The following EIF3C variants were observed in gnomAD, a reference collection of about 807,000 sequenced individuals.
EIF3C encodes eukaryotic translation initiation factor 3 subunit C, also known as cell migration-inducing protein 17.
In EIF3C, 2 loss-of-function variants were observed where a neutral mutation model predicts 11.1. That is an observed-to-expected ratio of 0.18 (90% CI 0.07 to 0.57). The LOEUF is 0.57. Ranked by LOEUF, EIF3C falls within the 20% of genes least tolerant of loss-of-function variation. The pLI is 0.92. For missense variants in EIF3C, 16 were observed against 114.6 expected (o/e 0.14, Z 3.93); for synonymous variants, 2 against 41.5 (o/e 0.05, Z 3.66).
At chr16:28,723,684 T>C in intron 10 of EIF3C, 133 bp downstream of exon 10, 1 of 630,180 alleles carries the variant, frequency 1.6e-6, no homozygotes, top group Non-Finnish European at 2.8e-6. Flanking sequence ...CCGTCCATTA[T>C]CTGCTGTTTA....
chr16:28,722,993 T>C, intron 8 of EIF3C, 171 bp from the exon 9 acceptor site: 1 of 690,652 alleles, frequency 1.4e-6, no homozygotes. Context: ...GTTAGTACTC[T>C]GTCTTGTTAG....
rs1223548992 is a variant in EIF3C, at chr16:28,689,257, C to G, written c.-31+429C>G. ...CTTTGATTCACACTTAGTCACAATC[C>G]CCTGTAAATAGTTCATTTTTCTGTT... On this transcript the variant is annotated intron_variant, in intron 1 of 20. Coordinates refer to the EIF3C transcript ENST00000566501. Among the ~76,000 whole-genome samples the G allele has an allele frequency of 3.9e-5, 2 of 50,746 alleles. 1 individual carries two copies. Among genetic ancestry groups the G allele is most frequent in the Non-Finnish European group, 6.9e-5 (2 of 28,810 alleles). 33.3% of individuals were successfully genotyped at this position (50,746 alleles called of 152,430 possible).
chr16:28,726,892 TC>T, intron 14 of EIF3C, 97 bp downstream of exon 14: 2 of 4,408 alleles, frequency 4.5e-4, no homozygotes, highest in East Asian at 4.3e-3. Flanking sequence ...TCTCTAGACT[TC>T]CGCAGGTGGA....
rs1447399472 is a variant in EIF3C at position 28,700,615 on chromosome 16, G to A, written c.-30-11042G>A. On this transcript the variant is annotated intron_variant, in intron 1 of 20. Transcript: ENST00000566501. ...CTGCTTTCTAGACGCGCAGCTTGGC[G>A]CAGCCCCGCACAGGCTCCGTGGAGG... 7 of 257,838 alleles carry A rather than the reference G, an allele frequency of 2.7e-5. 3 individuals are homozygous for A. Among genetic ancestry groups the A allele is most frequent in the Admixed American group, 1.5e-4 (3 of 20,556 alleles). The allele number at this position is 257,838 out of a possible 1,614,324, so 16.0% of individuals were successfully genotyped here. A position where few individuals can be genotyped will look rare whatever the true frequency, so the allele number is the denominator to read the frequency against.
intron 1 of EIF3C, among the ~76,000 whole-genome samples, chr16:28,697,846 C>T (rs1307963696): frequency 3.3e-5 from 3 of 91,248 alleles, no homozygotes; most frequent in East Asian, 4.0e-4. Flanking sequence ...CCCTCCCGGA[C>T]GGGGCGGCTG....
intron 2 of EIF3C, among the ~76,000 whole-genome samples, chr16:28,712,910 ATC>A: frequency 6.7e-6 from 1 of 149,278 alleles, no homozygotes; most frequent in East Asian, 2.0e-4. Context: ...AGGCAGGAGA[ATC>A]TCTTGAACCT....
At chr16:28,733,022 CTGT>C (rs1390928793) in intron 16 of EIF3C, among the ~76,000 whole-genome samples, 2 of 86,548 alleles carry the variant, frequency 2.3e-5, no homozygotes, top group African/African-American at 5.6e-5. Context: ...CAGCCCTGCA[CTGT>C]TGTTCGGCCT....
chr16:28,728,474 GTT>G (rs1567345977), intron 15 of EIF3C, among the ~76,000 whole-genome samples: 25 of 77,838 alleles, frequency 3.2e-4, no homozygotes, highest in Non-Finnish European at 4.0e-4. Context: ...TCTTTTAGGG[GTT>G]GTGTGTGTAT....
At chr16:28,698,248 T>G (rs1438469198) in intron 1 of EIF3C, among the ~76,000 whole-genome samples, 1 of 78,126 alleles carries the variant, frequency 1.3e-5, no homozygotes, top group Non-Finnish European at 2.7e-5. Context: ...GCTGGCCGGG[T>G]GGGGGGGCTG....
rs1282843013 is a variant in EIF3C at position 28,699,458 on chromosome 16, GGGAGAC to G, written c.-31+10654_-31+10659del. Reference sequence around the variant, plus strand: ...GCATGAGAGGGAGACCGTGGGGAGAGGGAGACGGAGACGGAGACGGAGACGGAGAGG... The same window carrying G: ...GCATGAGAGGGAGACCGTGGGGAGAGGGAGACGGAGACGGAGACGGAGAGG... On this transcript the variant is annotated intron_variant, in intron 1 of 20. Coordinates refer to the EIF3C transcript ENST00000566501. Among the ~76,000 whole-genome samples the G allele has an allele frequency of 5.8e-4, 55 of 94,490 alleles. 4 individuals are homozygous for G. Among genetic ancestry groups the G allele is most frequent in the Non-Finnish European group, 7.3e-4 (37 of 50,636 alleles). 62.0% of individuals were successfully genotyped at this position (94,490 alleles called of 152,430 possible). A position where few individuals can be genotyped will look rare whatever the true frequency, so the allele number is the denominator to read the frequency against.
chr16:28,726,069 AAG>A (rs1206141812), intron 13 of EIF3C, among the ~76,000 whole-genome samples: 4 of 110,948 alleles, frequency 3.6e-5, no homozygotes, highest in African/African-American at 1.4e-4. Flanking sequence ...GCCTGGGCGA[AAG>A]AGTGAAACTC....
chr16:28,700,393 G>A (rs1353222852), intron 1 of EIF3C: 1 of 382,988 alleles, frequency 2.6e-6, no homozygotes, highest in Admixed American at 2.4e-5. Context: ...CTCAGAGTTG[G>A]GGACCCGGAG....
At chr16:28,698,359 C>CA in intron 1 of EIF3C, among the ~76,000 whole-genome samples, 1 of 98,716 alleles carries the variant, frequency 1.0e-5, no homozygotes, top group Non-Finnish European at 2.0e-5. Flanking sequence ...ACCTCCCGGA[C>CA]GGGGCGGCTG....
rs1463115247 is a variant in EIF3C at position 28,698,613 on chromosome 16, G to A, written c.-31+9785G>A. On this transcript the variant is annotated intron_variant, in intron 1 of 20. Coordinates refer to the EIF3C transcript ENST00000566501. ...TTCCCAGATGGGGTGGCTGCCGGGC[G>A]GAGACACTCCTCACTTCCCAGATGG... Among the ~76,000 whole-genome samples, 103 of 92,308 alleles carry A rather than the reference G, an allele frequency of 1.1e-3. 16 individuals carry two copies. The highest frequency in any genetic ancestry group is 1.7e-3 in the Admixed American group (19 of 11,178). 60.6% of individuals were successfully genotyped at this position (92,308 alleles called of 152,430 possible).
intron 1 of EIF3C, among the ~76,000 whole-genome samples, chr16:28,699,482 C>T (rs867070590): frequency 5.9e-5 from 5 of 84,794 alleles, no homozygotes; most frequent in African/African-American, 6.7e-5. Context: ...GAGACGGAGA[C>T]GGAGAGGGAG....
At chr16:28,692,630 G>A (rs1343443806) in intron 1 of EIF3C, among the ~76,000 whole-genome samples, 1 of 139,708 alleles carries the variant, frequency 7.2e-6, no homozygotes, top group East Asian at 2.2e-4. Flanking sequence ...TTGGTGGCGG[G>A]CACCTGTAGT....
intron 15 of EIF3C, among the ~76,000 whole-genome samples, chr16:28,730,222 G>T (rs1277716706): frequency 4.5e-5 from 6 of 134,554 alleles, no homozygotes. Flanking sequence ...TAGAGACGGG[G>T]TTTCACCATA....
chr16:28,699,640 T>G (rs1202951778), intron 1 of EIF3C, among the ~76,000 whole-genome samples: 1 of 90,664 alleles, frequency 1.1e-5, no homozygotes, highest in African/African-American at 4.9e-5. Context: ...ATCTTCCAGG[T>G]TCAAGTGATT....
intron 2 of EIF3C, among the ~76,000 whole-genome samples, chr16:28,712,749 G>A (rs1296738763): frequency 3.3e-5 from 5 of 150,100 alleles, no homozygotes; most frequent in African/African-American, 4.9e-5. Context: ...GGCTCAAGCC[G>A]GTAATCCCAG....
Sources: allele counts gnomAD v4.1 joint callset (sites outside exome capture counted in the v4.1 genomes callset), GRCh38; gene constraint gnomAD v4.1.1; transcripts MANE v1.5; gene names NCBI Gene and HGNC (gene_info 2026-07-23, HGNC 2026-07-21).